Variants in OLA1 observed in about 807,000 individuals in gnomAD.
OLA1 encodes the protein obg-like ATPase 1.
A neutral mutation model predicts 48.4 loss-of-function variants in OLA1; 14 were observed. That is an observed-to-expected ratio of 0.29 (90% confidence interval 0.19 to 0.45). The LOEUF (loss-of-function observed/expected upper bound fraction) is 0.45, where lower values mean the gene tolerates loss of function less well. Ranked by LOEUF, OLA1 falls within the 20% of genes least tolerant of loss-of-function variation. The probability of loss-of-function intolerance (pLI) is 1.00; values close to 1 mark genes in which losing one functional copy is unlikely to be tolerated. For missense variants in OLA1, 325 were observed against 467.1 expected (o/e 0.70, Z 2.80); for synonymous variants, 127 against 150.4 (o/e 0.84, Z 1.14).
Position 174,182,299 on chromosome 2 carries a change from C to T in OLA1, c.374-40299G>A, listed in dbSNP as rs573015122. ...CAGCACTTTGGGAGGCCGAGGTGGG[C>T]GGAACACCTGAGGTCGGGAGTTCGA... On this transcript the variant is annotated intron_variant, in intron 4 of 10. Transcript: ENST00000284719. Among the ~76,000 whole-genome samples the T allele has an allele frequency of 1.4e-3, 208 of 152,172 alleles. 3 individuals carry two copies. Among genetic ancestry groups the T allele is most frequent in the Middle Eastern group, 3.4e-3 (1 of 294 alleles).
At chr2:174,216,254 G>A (rs917397975) in intron 4 of OLA1, among the ~76,000 whole-genome samples, 6 of 152,098 alleles carry the variant, frequency 3.9e-5, no homozygotes, top group Non-Finnish European at 1.5e-5. Context: ...AATGAGCTAT[G>A]ATTGTACCAC....
intron 1 of OLA1, chr2:174,247,968 T>A: frequency 1.5e-6 from 1 of 664,350 alleles, no homozygotes; most frequent in South Asian, 2.0e-5. Flanking sequence ...TGGCTGAGAG[T>A]TGTACCTCCT....
At chr2:174,080,939 T>A (rs1275176805) in intron 9 of OLA1, 1 of 493,402 alleles carries the variant, frequency 2.0e-6, no homozygotes, top group Non-Finnish European at 3.6e-6. Context: ...ATTCAGACTA[T>A]GTAATAGGCA....
intron 7 of OLA1, among the ~76,000 whole-genome samples, chr2:174,115,355 G>A (rs1302618252): frequency 2.6e-5 from 4 of 152,092 alleles, no homozygotes; most frequent in Non-Finnish European, 5.9e-5. Context: ...GCATGGAAAA[G>A]GAAAGATGAA....
intron 4 of OLA1, among the ~76,000 whole-genome samples, chr2:174,163,729 T>A (rs1257062778): frequency 1.4e-3 from 14 of 9,978 alleles, no homozygotes; most frequent in East Asian, 2.7e-3. Context: ...TATATATATA[T>A]ATATATATAT....
intron 4 of OLA1, among the ~76,000 whole-genome samples, chr2:174,210,605 C>G (rs1203368758): frequency 1.3e-5 from 2 of 152,102 alleles, no homozygotes; most frequent in African/African-American, 4.8e-5. Context: ...GAATGACCCT[C>G]ATTTTTTCTA....
intron 4 of OLA1, among the ~76,000 whole-genome samples, chr2:174,216,464 T>G (rs569636775): frequency 1.3e-5 from 2 of 152,286 alleles, no homozygotes; most frequent in East Asian, 3.9e-4. Flanking sequence ...GGTCTGCACC[T>G]GGGGTTACTG....
intron 4 of OLA1, among the ~76,000 whole-genome samples, chr2:174,202,352 C>T (rs1288817053): frequency 1.3e-5 from 2 of 152,210 alleles, no homozygotes; most frequent in Non-Finnish European, 2.9e-5. Context: ...CCTCCTGTTG[C>T]TATTGGGATG....
chr2:174,128,229 CAAAAAATA>C, intron 5 of OLA1, among the ~76,000 whole-genome samples: 1 of 150,890 alleles, frequency 6.6e-6, no homozygotes, highest in Non-Finnish European at 1.5e-5. Flanking sequence ...CCCATCTCTA[CAAAAAATA>C]AAAAAATAAA....
intron 4 of OLA1, among the ~76,000 whole-genome samples, chr2:174,162,904 G>C (rs747998492): frequency 1.3e-5 from 2 of 152,118 alleles, no homozygotes; most frequent in Non-Finnish European, 2.9e-5. Flanking sequence ...AATTAACTGG[G>C]TGTGGTGGAA....
intron 5 of OLA1, among the ~76,000 whole-genome samples, chr2:174,126,276 A>G (rs1479850242): frequency 6.6e-6 from 1 of 152,154 alleles, no homozygotes. Flanking sequence ...ATAAATACAT[A>G]TATAAATAAC....
intron 7 of OLA1, among the ~76,000 whole-genome samples, chr2:174,099,953 C>T (rs1685353619): frequency 6.6e-6 from 1 of 151,984 alleles, no homozygotes; most frequent in Non-Finnish European, 1.5e-5. Flanking sequence ...AAAATGAAAA[C>T]AATATATCAC....
At chr2:174,226,437 A>T (rs947201103) in intron 3 of OLA1, among the ~76,000 whole-genome samples, 1 of 152,106 alleles carries the variant, frequency 6.6e-6, no homozygotes, top group Non-Finnish European at 1.5e-5. Context: ...TTTAATCGCT[A>T]TACTGTAATG....
Position 174,124,901 on chromosome 2 carries a change from TG to T in OLA1, c.550-1227del, listed in dbSNP as rs1686013160. On this transcript the variant is annotated intron_variant, in intron 5 of 10. Transcript: ENST00000284719. ...AGCCTTATATCCTTAGATCCTGATT[TG>T]AAACCCTCCAGGCAAAGGACTTCCC... 2.6e-5 allele frequency among the ~76,000 whole-genome samples: 4 copies of T among 152,302 alleles called. No individual in the cohort carries two copies. The East Asian group carries it at 5.8e-4, about 22-fold the overall frequency.
chr2:174,129,126 T>A (rs1303211284), intron 5 of OLA1, among the ~76,000 whole-genome samples: 1 of 152,128 alleles, frequency 6.6e-6, no homozygotes, highest in South Asian at 2.1e-4. Flanking sequence ...GTAAAACAAC[T>A]GGCAAGTTCT....
chr2:174,166,787 T>C (rs753185593), intron 4 of OLA1, among the ~76,000 whole-genome samples: 13 of 152,196 alleles, frequency 8.5e-5, no homozygotes, highest in Admixed American at 2.0e-4. Flanking sequence ...ATTGTATTTC[T>C]TGTACTGTTG....
intron 4 of OLA1, among the ~76,000 whole-genome samples, chr2:174,204,257 C>T (rs924235777): frequency 2.8e-4 from 42 of 151,972 alleles, no homozygotes; most frequent in African/African-American, 7.0e-4. Context: ...AAAAATTAGC[C>T]GGGTGTGGTG....
intron 2 of OLA1, among the ~76,000 whole-genome samples, chr2:174,238,309 C>T (rs1227084027): frequency 1.3e-5 from 2 of 151,870 alleles, no homozygotes; most frequent in African/African-American, 4.8e-5. Context: ...CAGCCTGGGT[C>T]AACATGGTGA....
intron 2 of OLA1, among the ~76,000 whole-genome samples, chr2:174,230,556 C>A (rs973792958): frequency 2.6e-5 from 4 of 152,130 alleles, no homozygotes; most frequent in Non-Finnish European, 5.9e-5. Flanking sequence ...ATAGTACCTC[C>A]TGAAAGAAGT....
Sources: gnomAD v4.1 joint callset for allele counts (sites outside exome capture counted in the v4.1 genomes callset) on GRCh38, gnomAD v4.1.1 for gene constraint, MANE v1.5 for transcripts, NCBI Gene and HGNC (gene_info 2026-07-23, HGNC 2026-07-21) for gene names.